The following TCF12 variants were observed in gnomAD, a reference collection of about 807,000 sequenced individuals.
TCF12 encodes the protein transcription factor 12, also known as DNA-binding protein HTF4.
In TCF12, 45 loss-of-function variants were observed where a neutral mutation model predicts 86.0. That is an observed-to-expected ratio of 0.52 (90% CI 0.41 to 0.67). The LOEUF (loss-of-function observed/expected upper bound fraction) is 0.67, where lower values mean the gene tolerates loss of function less well. Among genes scored for constraint, TCF12 ranks in the 30% least tolerant of loss-of-function variants. TCF12 has a pLI of 0.00. For missense variants in TCF12, 881 were observed against 859.9 expected (o/e 1.02, Z -0.31); for synonymous variants, 330 against 299.6 (o/e 1.10, Z -1.05).
intron 5 of TCF12, among the ~76,000 whole-genome samples, chr15:57,093,044 G>T (rs961676682): frequency 1.3e-5 from 2 of 152,140 alleles, no homozygotes; most frequent in Admixed American, 1.3e-4. Context: ...GAAGCCAGAA[G>T]AACCATTAGA....
chr15:56,953,642 T>C lies in TCF12; in HGVS notation c.148+32544T>C, dbSNP rs182174711. ...CTTTAGATAATCTGTTTCTTCTTGA[T>C]TGAGCTTTGATAATTTGTGTTTCTC... is the stretch of plus-strand genomic sequence containing the variant. On this transcript the variant is annotated intron_variant, in intron 3 of 20. Coordinates refer to ENST00000333725, the MANE Select transcript of TCF12 (RefSeq NM_207037.2). 3.3e-5 allele frequency among the ~76,000 whole-genome samples: 5 copies of C among 152,152 alleles called. No individual in the cohort carries two copies. The East Asian group carries it at 9.6e-4, about 29-fold the overall frequency.
At chr15:57,226,879 C>G (rs1193850995) in intron 8 of TCF12, among the ~76,000 whole-genome samples, 1 of 152,014 alleles carries the variant, frequency 6.6e-6, no homozygotes, top group Admixed American at 6.6e-5. Context: ...CTCAATTGCA[C>G]TATCCACATT....
At chr15:57,095,470 T>C (rs532540743) in intron 5 of TCF12, among the ~76,000 whole-genome samples, 1 of 152,212 alleles carries the variant, frequency 6.6e-6, no homozygotes, top group Admixed American at 6.5e-5. Context: ...CCCAAGTGAT[T>C]GTGTAATAAA....
intron 12 of TCF12, among the ~76,000 whole-genome samples, chr15:57,238,515 C>A (rs2059472627): frequency 6.6e-6 from 1 of 152,184 alleles, no homozygotes; most frequent in Admixed American, 6.5e-5. Flanking sequence ...TGATTATTCT[C>A]AAAGCTTATG....
chr15:57,051,390 T>A (rs1020927084), intron 3 of TCF12, among the ~76,000 whole-genome samples: 13 of 152,240 alleles, frequency 8.5e-5, no homozygotes, highest in African/African-American at 3.1e-4. Context: ...CTTCCTCAGC[T>A]GTGGCTTTCT....
At chr15:57,283,495 C>T (rs1242919894) in intron 20 of TCF12, among the ~76,000 whole-genome samples, 2 of 152,142 alleles carry the variant, frequency 1.3e-5, no homozygotes, top group Non-Finnish European at 2.9e-5. Flanking sequence ...GAACTCCTAA[C>T]CTCAGGTGAT....
At chr15:57,000,356 T>G (rs1224079377) in intron 3 of TCF12, among the ~76,000 whole-genome samples, 1 of 152,156 alleles carries the variant, frequency 6.6e-6, no homozygotes, top group Non-Finnish European at 1.5e-5. Context: ...CTGTTTTTTT[T>G]TTTTTTAAAC....
intron 5 of TCF12, among the ~76,000 whole-genome samples, chr15:57,107,322 G>A (rs763775427): frequency 6.9e-6 from 1 of 144,128 alleles, no homozygotes; most frequent in Non-Finnish European, 1.5e-5. Context: ...TGTGAAACAA[G>A]CCAATCTGAA....
intron 4 of TCF12, among the ~76,000 whole-genome samples, chr15:57,087,644 T>C (rs1437352018): frequency 6.6e-6 from 1 of 152,088 alleles, no homozygotes; most frequent in Non-Finnish European, 1.5e-5. Flanking sequence ...GATGGAATTA[T>C]TTAAGATTTA....
intron 5 of TCF12, among the ~76,000 whole-genome samples, chr15:57,096,440 G>T (rs1325675405): frequency 6.6e-6 from 1 of 151,918 alleles, no homozygotes; most frequent in Non-Finnish European, 1.5e-5. Context: ...AAGTAAAATA[G>T]CATCATGTTA....
chr15:57,235,319 C>T (rs1316526081), intron 12 of TCF12, among the ~76,000 whole-genome samples: 1 of 152,172 alleles, frequency 6.6e-6, no homozygotes, highest in African/African-American at 2.4e-5. Context: ...GCATTGTTAT[C>T]CCCACATTAC....
chr15:57,274,033 T>G (rs2152102452), intron 19 of TCF12, among the ~76,000 whole-genome samples: 1 of 152,344 alleles, frequency 6.6e-6, no homozygotes, highest in South Asian at 2.1e-4. Flanking sequence ...ACCATCAAGC[T>G]TGAGTTTCTC....
At chr15:57,216,405 A>G (rs2058331547) in intron 8 of TCF12, among the ~76,000 whole-genome samples, 1 of 152,078 alleles carries the variant, frequency 6.6e-6, no homozygotes. Flanking sequence ...GTGATTATGT[A>G]GCGTTGTGGG....
intron 3 of TCF12, among the ~76,000 whole-genome samples, chr15:56,929,713 A>C (rs2060164393): frequency 6.6e-6 from 1 of 152,152 alleles, no homozygotes; most frequent in Non-Finnish European, 1.5e-5. Context: ...ATAATAAAAC[A>C]ATTTGAGATA....
intron 5 of TCF12, among the ~76,000 whole-genome samples, chr15:57,092,644 T>C (rs1172044773): frequency 6.6e-6 from 1 of 152,180 alleles, no homozygotes; most frequent in African/African-American, 2.4e-5. Context: ...TTGCAAAACC[T>C]GATTGAAAAT....
intron 4 of TCF12, among the ~76,000 whole-genome samples, chr15:57,075,800 T>TCTCTC (rs1567370475): frequency 2.1e-3 from 44 of 20,478 alleles, no homozygotes; most frequent in South Asian, 7.8e-3. Flanking sequence ...CTTTCTTTCT[T>TCTCTC]TCTTTCTCTC....
intron 5 of TCF12, among the ~76,000 whole-genome samples, chr15:57,118,162 A>G (rs530675033): frequency 5.9e-5 from 9 of 152,186 alleles, no homozygotes; most frequent in Admixed American, 3.3e-4. Flanking sequence ...CCTTGTCACC[A>G]TTGTGTTCTT....
chr15:57,232,210 C>A, intron 9 of TCF12, 81 bp from the exon 10 acceptor site: 1 of 1,500,250 alleles, frequency 6.7e-7, no homozygotes, highest in South Asian at 1.2e-5. Context: ...TGGAGGGTAC[C>A]CCTTGAATTT....
chr15:57,170,646 T>TATATATATATA (rs2055264690), intron 6 of TCF12, among the ~76,000 whole-genome samples: 1 of 39,668 alleles, frequency 2.5e-5, no homozygotes, highest in African/African-American at 1.3e-4. Context: ...ATATATAATA[T>TATATATATATA]ATATATTATA....
Sources: allele counts gnomAD v4.1 joint callset (sites outside exome capture counted in the v4.1 genomes callset), GRCh38; gene constraint gnomAD v4.1.1; transcripts MANE v1.5; gene names NCBI Gene and HGNC (gene_info 2026-07-23, HGNC 2026-07-21).